NTRK3: variants seen among roughly 807,000 people sequenced by gnomAD.
NTRK3 encodes the protein neurotrophic receptor tyrosine kinase 3, also known as NT-3 growth factor receptor.
In NTRK3, 24 loss-of-function variants were observed where a neutral mutation model predicts 91.7. The ratio of observed to expected loss-of-function variants is 0.26; its 90% CI spans 0.19 to 0.37. The LOEUF is 0.37. Ranked by LOEUF, NTRK3 falls within the 10% of genes least tolerant of loss-of-function variation. The pLI, the probability that NTRK3 is intolerant of heterozygous loss-of-function variation, is 1.00. For synonymous variants in NTRK3, 483 were observed against 404.0 expected (o/e 1.20, Z -2.34); for missense variants, 880 against 1,068.9 (o/e 0.82, Z 2.46).
chr15:87,896,583 G>A (rs1378684331), intron 17 of NTRK3, among the ~76,000 whole-genome samples: 12 of 151,940 alleles, frequency 7.9e-5, no homozygotes, highest in Admixed American at 7.9e-4. Flanking sequence ...TTTTTATCCT[G>A]GTGTATATAG....
intron 14 of NTRK3, among the ~76,000 whole-genome samples, chr15:87,974,887 G>C (rs1192174097): frequency 2.0e-5 from 3 of 151,846 alleles, no homozygotes; most frequent in African/African-American, 4.8e-5. Flanking sequence ...TGGGGTTGGA[G>C]GGGGGAGCAC....
rs2141958159 is a variant in NTRK3 at position 87,933,191 on chromosome 15, A to T, written c.1717-7T>A. On this transcript the variant is annotated splice_region_variant and splice_polypyrimidine_tract_variant and intron_variant, in intron 15 of 18. Coordinates refer to ENST00000394480, the Ensembl canonical transcript of NTRK3. ...GGGTGGGATCCTTCAGGGCCTAGGA[A>T]CAATGCAGGACACAGGTGTTTAACA... 1 of 1,614,130 alleles carries T rather than the reference A, an allele frequency of 6.2e-7. No individual in the cohort carries two copies. Among genetic ancestry groups the T allele is most frequent in the Non-Finnish European group, 8.5e-7 (1 of 1,180,002 alleles).
At chr15:87,964,409 C>T (rs1485403015) in intron 14 of NTRK3, among the ~76,000 whole-genome samples, 3 of 150,670 alleles carry the variant, frequency 2.0e-5, no homozygotes, top group Non-Finnish European at 4.4e-5. Flanking sequence ...GTATTATATA[C>T]AAGCATCATT....
At chr15:87,953,633 C>T (rs145073769) in intron 14 of NTRK3, among the ~76,000 whole-genome samples, 82 of 152,144 alleles carry the variant, frequency 5.4e-4, no homozygotes, top group African/African-American at 1.9e-3. Flanking sequence ...TTGGGTGGCC[C>T]CAGAAGAACC....
At chr15:88,137,680 A>T in intron 6 of NTRK3, 119 bp from the exon 7 acceptor site, 1 of 989,866 alleles carries the variant, frequency 1.0e-6, no homozygotes, top group Non-Finnish European at 1.5e-6. Flanking sequence ...GAAGGGATTT[A>T]ACAAGGTTAC....
At position 88,124,817 on chromosome 15, in the gene NTRK3, T is replaced by C. The variant is rs1231406524; in HGVS notation, c.1396+1454A>G. 2.0e-5 allele frequency among the ~76,000 whole-genome samples: 3 copies of C among 152,224 alleles called. No individual in the cohort carries two copies. In the East Asian group the frequency reaches 5.8e-4, roughly 29 times the overall value. On this transcript the variant is annotated intron_variant, in intron 13 of 18. Coordinates refer to ENST00000394480, the Ensembl canonical transcript of NTRK3. Reference sequence around the variant, plus strand: ...CATCTGGATTCCAGCCAAACTTCCATCCACCTTTATAATTTGCCTGCACAT... The same window carrying C: ...CATCTGGATTCCAGCCAAACTTCCACCCACCTTTATAATTTGCCTGCACAT...
At chr15:87,993,066 T>A (rs1385720520) in intron 14 of NTRK3, among the ~76,000 whole-genome samples, 1 of 152,208 alleles carries the variant, frequency 6.6e-6, no homozygotes, top group East Asian at 1.9e-4. Context: ...AAAATAACTC[T>A]GAGGTAAGGA....
At chr15:88,219,589 G>A (rs1056218456) in intron 3 of NTRK3, among the ~76,000 whole-genome samples, 1 of 152,240 alleles carries the variant, frequency 6.6e-6, no homozygotes, top group Non-Finnish European at 1.5e-5. Flanking sequence ...GGATGAAGTC[G>A]ACTAAACCCA....
chr15:88,003,836 T>C (rs1567214091), intron 14 of NTRK3, among the ~76,000 whole-genome samples: 1 of 151,870 alleles, frequency 6.6e-6, no homozygotes, highest in African/African-American at 2.4e-5. Flanking sequence ...ATTTTTTTTT[T>C]TTTTTTTTGC....
chr15:88,147,495 G>T, intron 5 of NTRK3, 92 bp from the exon 6 acceptor site: 1 of 1,052,226 alleles, frequency 9.5e-7, no homozygotes, highest in Non-Finnish European at 1.5e-6. Flanking sequence ...CTGGAGCCTG[G>T]CTTTGTTTTC....
chr15:88,079,736 A>G (rs1276654571), intron 13 of NTRK3, among the ~76,000 whole-genome samples: 2 of 152,274 alleles, frequency 1.3e-5, no homozygotes, highest in South Asian at 2.1e-4. Flanking sequence ...AGTCATCAAT[A>G]CATTATGAAT....
intron 17 of NTRK3, among the ~76,000 whole-genome samples, chr15:87,889,149 C>A (rs2065715747): frequency 6.6e-6 from 1 of 152,084 alleles, no homozygotes; most frequent in Non-Finnish European, 1.5e-5. Flanking sequence ...GCTGTGGATC[C>A]CTGGGCAAGT....
At chr15:88,213,531 G>C (rs961418583) in intron 3 of NTRK3, among the ~76,000 whole-genome samples, 1 of 152,150 alleles carries the variant, frequency 6.6e-6, no homozygotes, top group Non-Finnish European at 1.5e-5. Flanking sequence ...AAGGCAGCTC[G>C]GCCTCACTCT....
intron 17 of NTRK3, 143 bp downstream of exon 17, chr15:87,929,048 A>G: frequency 7.9e-7 from 1 of 1,263,220 alleles, no homozygotes; most frequent in Non-Finnish European, 1.1e-6. Context: ...AAGAGAGGCC[A>G]AAAGATAACT....
At chr15:88,131,531 A>G (rs1597484710) in intron 10 of NTRK3, among the ~76,000 whole-genome samples, 1 of 152,214 alleles carries the variant, frequency 6.6e-6, no homozygotes, top group Non-Finnish European at 1.5e-5. Flanking sequence ...GGTGACCAGA[A>G]GCCTGACTGG....
chr15:87,888,483 T>C (rs1371512924), intron 17 of NTRK3, among the ~76,000 whole-genome samples: 7 of 152,200 alleles, frequency 4.6e-5, no homozygotes. Flanking sequence ...CAAGTGCCTA[T>C]TCCCAAATCT....
chr15:88,096,069 G>A (rs1365743100), intron 13 of NTRK3, among the ~76,000 whole-genome samples: 1 of 152,104 alleles, frequency 6.6e-6, no homozygotes, highest in African/African-American at 2.4e-5. Context: ...TTTAGGTGGT[G>A]ACCTCTAAAA....
chr15:87,999,270 C>T (rs1472684606), intron 14 of NTRK3, among the ~76,000 whole-genome samples: 2 of 152,210 alleles, frequency 1.3e-5, no homozygotes. Context: ...AGATATTCTT[C>T]CTCTGAATGA....
At chr15:88,055,508 T>G (rs1441773789) in intron 13 of NTRK3, among the ~76,000 whole-genome samples, 1 of 152,200 alleles carries the variant, frequency 6.6e-6, no homozygotes, top group Non-Finnish European at 1.5e-5. Flanking sequence ...ATTATAATCT[T>G]CATCATCACA....
Sources: allele counts gnomAD v4.1 joint callset (sites outside exome capture counted in the v4.1 genomes callset), GRCh38; gene constraint gnomAD v4.1.1; transcripts MANE v1.5; gene names NCBI Gene and HGNC (gene_info 2026-07-23, HGNC 2026-07-21).